Variants in THSD7A observed in about 807,000 individuals in gnomAD.
THSD7A encodes thrombospondin type-1 domain-containing protein 7A.
In THSD7A, 96 loss-of-function variants were observed where a neutral mutation model predicts 231.3. That is an observed-to-expected ratio of 0.41 (90% confidence interval 0.35 to 0.49). The LOEUF (loss-of-function observed/expected upper bound fraction) is 0.49. Among genes scored for constraint, THSD7A ranks in the 20% least tolerant of loss-of-function variants. THSD7A has a pLI of 0.05. For missense variants in THSD7A, 2,290 were observed against 2,070.2 expected (o/e 1.11, Z -2.06); for synonymous variants, 940 against 743.3 (o/e 1.26, Z -4.30).
At chr7:11,505,876 C>A (rs534801660) in intron 6 of THSD7A, among the ~76,000 whole-genome samples, 2 of 152,270 alleles carry the variant, frequency 1.3e-5, no homozygotes, top group East Asian at 1.9e-4. Context: ...CTAGTTTCTT[C>A]TTCTCGTAGT....
intron 4 of THSD7A, among the ~76,000 whole-genome samples, chr7:11,559,108 A>T (rs140163821): frequency 1.3e-5 from 2 of 152,172 alleles, no homozygotes; most frequent in East Asian, 3.9e-4. Flanking sequence ...CCAGCTCACA[A>T]TCAGGAAGGA....
At chr7:11,535,143 C>G (rs1457423353) in intron 6 of THSD7A, among the ~76,000 whole-genome samples, 3 of 152,148 alleles carry the variant, frequency 2.0e-5, no homozygotes, top group African/African-American at 7.2e-5. Flanking sequence ...CAATTTTTAT[C>G]TGATGTCTCT....
At chr7:11,532,280 A>C (rs1788740572) in intron 6 of THSD7A, among the ~76,000 whole-genome samples, 1 of 152,116 alleles carries the variant, frequency 6.6e-6, no homozygotes, top group African/African-American at 2.4e-5. Context: ...ACCCAACCCA[A>C]AGAATTGTGA....
intron 2 of THSD7A, among the ~76,000 whole-genome samples, chr7:11,610,218 T>C (rs1195062958): frequency 1.3e-5 from 2 of 152,142 alleles, no homozygotes; most frequent in Non-Finnish European, 2.9e-5. Flanking sequence ...CACTTGATTA[T>C]ATACTGACTC....
intron 1 of THSD7A, among the ~76,000 whole-genome samples, chr7:11,693,310 C>G (rs1014403590): frequency 6.6e-6 from 1 of 151,410 alleles, no homozygotes; most frequent in African/African-American, 2.4e-5. Flanking sequence ...ATTTACACAT[C>G]TAAGGTACTC....
At chr7:11,376,358 GAGA>G (rs1384346696) in intron 27 of THSD7A, among the ~76,000 whole-genome samples, 1 of 152,000 alleles carries the variant, frequency 6.6e-6, no homozygotes, top group Non-Finnish European at 1.5e-5. Flanking sequence ...GAACATACTC[GAGA>G]AGATGACCTG....
At chr7:11,591,426 A>C (rs574073336) in intron 3 of THSD7A, among the ~76,000 whole-genome samples, 1 of 152,282 alleles carries the variant, frequency 6.6e-6, no homozygotes, top group South Asian at 2.1e-4. Flanking sequence ...ATGTTCTAAA[A>C]GCACAAAGAA....
In THSD7A at chr7:11,637,353, T is replaced by C. The variant is rs1781906810; in HGVS notation, c.191-392A>G. Among the ~76,000 whole-genome samples the C allele has an allele frequency of 6.6e-6, 1 of 152,190 alleles. No homozygotes were observed. ...CCATTTCAGTAACTGGCAAAGAAAATGGCCCCGTGTGAAGAACTTCTCCTG... is the reference window on the plus strand; with the variant it reads ...CCATTTCAGTAACTGGCAAAGAAAACGGCCCCGTGTGAAGAACTTCTCCTG... On this transcript the variant is annotated intron_variant, in intron 1 of 27. Transcript: ENST00000423059. This position sits in a 1 kb window ranked among gnomAD's most constrained non-coding sequence, Gnocchi z 4.2.
intron 16 of THSD7A, among the ~76,000 whole-genome samples, chr7:11,423,312 A>G (rs571680016): frequency 2.6e-5 from 4 of 152,096 alleles, no homozygotes; most frequent in Admixed American, 2.6e-4. Flanking sequence ...TAAATGCATG[A>G]AAGGTTGGGT....
At chr7:11,794,420 A>G (rs1315946335) in intron 1 of THSD7A, among the ~76,000 whole-genome samples, 6 of 151,970 alleles carry the variant, frequency 3.9e-5, no homozygotes, top group Non-Finnish European at 8.8e-5. Flanking sequence ...TCAGGAATTA[A>G]TGATCATTAG....
intron 6 of THSD7A, among the ~76,000 whole-genome samples, chr7:11,523,773 T>C (rs1788364360): frequency 6.6e-6 from 1 of 152,122 alleles, no homozygotes; most frequent in African/African-American, 2.4e-5. Flanking sequence ...ACTAGAATAA[T>C]AGATTTTAAC....
At chr7:11,673,192 T>C (rs1526528) in intron 1 of THSD7A, among the ~76,000 whole-genome samples, 96,570 of 151,910 alleles carry the variant, frequency 0.64, 31,212 homozygotes, top group African/African-American at 0.75. Flanking sequence ...TGCACCCAGA[T>C]TGGACGTAAG....
chr7:11,743,372 G>T (rs1289297562), intron 1 of THSD7A, among the ~76,000 whole-genome samples: 4 of 151,728 alleles, frequency 2.6e-5, no homozygotes, highest in East Asian at 1.9e-4. Context: ...TATTCACCTT[G>T]ACCTGAGACA....
intron 11 of THSD7A, among the ~76,000 whole-genome samples, chr7:11,451,234 C>T (rs1413675541): frequency 3.3e-5 from 5 of 152,064 alleles, no homozygotes; most frequent in Non-Finnish European, 5.9e-5. Context: ...CCAAATGCAA[C>T]GTGGAGACCT....
rs1782434780 is a variant in THSD7A, at chr7:11,379,731, T to C, written c.4508-19A>G. The C allele has an allele frequency of 6.4e-7, 1 of 1,565,394 alleles. No homozygotes were observed. On this transcript the variant is annotated intron_variant, in intron 24 of 27. Transcript: ENST00000423059. ...CAGCCCCCTGCGGAACAGAAAATCA[T>C]GTTTTGACAAATAATATATTTTGCT...
intron 9 of THSD7A, among the ~76,000 whole-genome samples, chr7:11,468,134 A>G (rs974670837): frequency 1.3e-5 from 2 of 152,138 alleles, no homozygotes; most frequent in Admixed American, 1.3e-4. Context: ...TAGACTATTA[A>G]CAATTTGCTT....
intron 1 of THSD7A, among the ~76,000 whole-genome samples, chr7:11,790,895 T>G (rs908036705): frequency 6.6e-6 from 1 of 151,960 alleles, no homozygotes; most frequent in Non-Finnish European, 1.5e-5. Flanking sequence ...TTTTTTCACT[T>G]GGTTGACTAC....
intron 1 of THSD7A, among the ~76,000 whole-genome samples, chr7:11,664,154 G>A (rs1479916743): frequency 6.6e-6 from 1 of 151,426 alleles, no homozygotes; most frequent in African/African-American, 2.4e-5. Context: ...CTTTTACGAA[G>A]GATTCAATAA....
chr7:11,687,156 G>A (rs1215276984), intron 1 of THSD7A, among the ~76,000 whole-genome samples: 1 of 151,830 alleles, frequency 6.6e-6, no homozygotes, highest in African/African-American at 2.4e-5. Context: ...TTTGCACTGA[G>A]ATGAATGCCT....
Sources: allele counts gnomAD v4.1 joint callset (sites outside exome capture counted in the v4.1 genomes callset), GRCh38; gene constraint gnomAD v4.1.1; non-coding constraint Gnocchi (gnomAD v3.1); transcripts MANE v1.5; gene names NCBI Gene and HGNC (gene_info 2026-07-23, HGNC 2026-07-21).